UACA: variants seen among roughly 807,000 people sequenced by gnomAD.
UACA encodes the protein nuclear membrane binding protein.
In UACA, 112 loss-of-function variants were observed where a neutral mutation model predicts 160.5. The ratio of observed to expected loss-of-function variants is 0.70; its 90% confidence interval spans 0.60 to 0.82. UACA has a LOEUF of 0.82. Ranked by LOEUF, UACA falls within the 40% of genes least tolerant of loss-of-function variation. The probability of loss-of-function intolerance (pLI) is 0.00; values close to 1 mark genes in which losing one functional copy is unlikely to be tolerated. For missense variants in UACA, 1,574 were observed against 1,614.6 expected, an observed-to-expected ratio of 0.97 and a Z score of 0.43; for synonymous variants, 557 against 568.4, an observed-to-expected ratio of 0.98 and a Z score of 0.29.
intron 17 of UACA, among the ~76,000 whole-genome samples, chr15:70,663,882 G>C (rs1422635048): frequency 9.3e-6 from 1 of 107,788 alleles, no homozygotes; most frequent in African/African-American, 3.6e-5. Context: ...GGTGGGGGGA[G>C]GGGGGAGGGA....
intron 1 of UACA, chr15:70,749,114 A>G (rs576339825): frequency 2.6e-5 from 9 of 350,182 alleles, no homozygotes; most frequent in South Asian, 2.1e-4. Flanking sequence ...TTATACATAT[A>G]TAGAGTGAAT....
At chr15:70,695,915 C>A (rs546165517) in intron 2 of UACA, among the ~76,000 whole-genome samples, 6 of 152,246 alleles carry the variant, frequency 3.9e-5, no homozygotes, top group African/African-American at 1.4e-4. Context: ...TTCTGTAAAT[C>A]TATGAATTAT....
intron 13 of UACA, chr15:70,676,249 G>C (rs1045277394): frequency 6.0e-6 from 2 of 332,172 alleles, no homozygotes; most frequent in Non-Finnish European, 1.1e-5. Context: ...AGAGAAACTA[G>C]AATGACACTA....
chr15:70,677,105 T>C lies in UACA; in HGVS notation c.1032+3A>G. ...AATGGTTTAAAATAAAATGTCACCC[T>C]ACCTCGCTTTCCAGATCATCAGCAA... On this transcript the variant is annotated splice_donor_region_variant and intron_variant, in intron 12 of 18. Coordinates refer to ENST00000322954, the MANE Select transcript of UACA (RefSeq NM_018003.4). The C allele has an allele frequency of 6.2e-7, 1 of 1,602,620 alleles. No individual in the cohort carries two copies.
intron 1 of UACA, among the ~76,000 whole-genome samples, chr15:70,705,081 C>T (rs145511788): frequency 6.6e-6 from 1 of 152,150 alleles, no homozygotes; most frequent in African/African-American, 2.4e-5. Context: ...TTGTTACGGG[C>T]GCATACTCCT....
At chr15:70,692,386 C>T (rs1042365260) in intron 3 of UACA, among the ~76,000 whole-genome samples, 4 of 152,048 alleles carry the variant, frequency 2.6e-5, no homozygotes, top group Non-Finnish European at 5.9e-5. Flanking sequence ...TGGTCTTGAA[C>T]GCCTGGCCTC....
At chr15:70,763,688 T>G, upstream of UACA, 1 of 412,708 alleles carries the variant, frequency 2.4e-6, no homozygotes, top group Non-Finnish European at 3.9e-6. Flanking sequence ...ACACCCTTCC[T>G]CTCCCAGCTG....
At chr15:70,769,338 C>CA in the UACA span, among the ~76,000 whole-genome samples, 45,809 of 76,366 alleles carry the variant, frequency 0.6, 13,755 homozygotes, top group East Asian at 0.72. Context: ...GACTCCGACT[C>CA]AAAAAAAAAA....
chr15:70,712,630 T>C (rs1381547102), intron 1 of UACA, among the ~76,000 whole-genome samples: 4 of 152,200 alleles, frequency 2.6e-5, no homozygotes, highest in African/African-American at 4.8e-5. Flanking sequence ...TGCCTCCTTA[T>C]ATCATACGGA....
At chr15:70,695,943 G>C (rs1898111548) in intron 2 of UACA, among the ~76,000 whole-genome samples, 1 of 152,116 alleles carries the variant, frequency 6.6e-6, no homozygotes, top group Admixed American at 6.6e-5. Context: ...TTAACAAAAA[G>C]AACTGCCACT....
At chr15:70,703,652 G>C (rs562347505) in intron 1 of UACA, among the ~76,000 whole-genome samples, 2 of 152,280 alleles carry the variant, frequency 1.3e-5, no homozygotes, top group South Asian at 4.1e-4. Flanking sequence ...GGCGAAGGAA[G>C]AGGGAAAACA....
At chr15:70,676,334 C>A (rs1897303122) in intron 13 of UACA, 159 bp downstream of exon 13, 2 of 540,810 alleles carry the variant, frequency 3.7e-6, no homozygotes, top group Non-Finnish European at 6.5e-6. Context: ...GAGACAATCA[C>A]CCCAGTTTTG....
In UACA at chr15:70,678,154, T is replaced by C; in HGVS notation, c.944A>G (p.Gln315Arg). Residue 315 changes from glutamine to arginine, a missense_variant, in exon 11 of 19, where the codon CAA becomes CGA. Transcript: ENST00000322954. ...DLKERLRKIQ[Q>R]EQRILLDKVN... ...TTTATCCAAAAGTATTCTTTGTTCT[T>C]GCTGAATTTTTCTCAACCTCTCTTT... 6.2e-7 allele frequency: 1 copy of C among 1,611,334 alleles called. No individual in the cohort carries two copies. Among genetic ancestry groups the C allele is most frequent in the Non-Finnish European group, 8.5e-7 (1 of 1,179,384 alleles).
intron 2 of UACA, among the ~76,000 whole-genome samples, chr15:70,697,419 C>G (rs370167479): frequency 6.6e-6 from 1 of 152,190 alleles, no homozygotes; most frequent in African/African-American, 2.4e-5. Flanking sequence ...CTTGGTGAAC[C>G]TTCCCCATCT....
chr15:70,772,492 C>CAA, the UACA span, among the ~76,000 whole-genome samples: 139 of 49,236 alleles, frequency 2.8e-3, no homozygotes, highest in East Asian at 5.5e-3. Context: ...GCCTCCATCT[C>CAA]AAAAAAAAAA....
chr15:70,748,275 TAGC>T (rs1469966187), intron 1 of UACA, among the ~76,000 whole-genome samples: 4 of 152,160 alleles, frequency 2.6e-5, no homozygotes, highest in Non-Finnish European at 4.4e-5. Flanking sequence ...AGTATTTACT[TAGC>T]AGCAGAATAC....
intron 1 of UACA, among the ~76,000 whole-genome samples, chr15:70,707,423 T>C (rs552702885): frequency 1.3e-5 from 2 of 152,074 alleles, no homozygotes; most frequent in Non-Finnish European, 2.9e-5. Context: ...CAAAAATAGA[T>C]CAATGAAACT....
At chr15:70,683,180 A>G (rs1030899977) in intron 8 of UACA, among the ~76,000 whole-genome samples, 2 of 151,834 alleles carry the variant, frequency 1.3e-5, no homozygotes, top group Admixed American at 1.3e-4. Context: ...ACATAGCAAG[A>G]CCCCATCTCT....
chr15:70,768,431 T>C (rs932257033), upstream of UACA: 5 of 152,220 alleles, frequency 3.3e-5, no homozygotes, highest in Non-Finnish European at 7.3e-5. Context: ...CCCAGCATAA[T>C]TGACCTTATA....
Sources: gnomAD v4.1 joint callset for allele counts (sites outside exome capture counted in the v4.1 genomes callset) on GRCh38, gnomAD v4.1.1 for gene constraint, MANE v1.5 for transcripts, NCBI Gene and HGNC (gene_info 2026-07-23, HGNC 2026-07-21) for gene names.